SNX9: variants seen among roughly 807,000 people sequenced by gnomAD.
SNX9 encodes the protein sorting nexin-9.
A neutral mutation model predicts 89.4 loss-of-function variants in SNX9; 44 were observed. That is an observed-to-expected ratio of 0.49 (90% confidence interval 0.39 to 0.63). The LOEUF (loss-of-function observed/expected upper bound fraction) is 0.63, where lower values mean the gene tolerates loss of function less well. SNX9 is among the 30% of genes least tolerant of loss of function. The pLI is 0.00. For synonymous variants in SNX9, 236 were observed against 247.8 expected (o/e 0.95, Z 0.45); for missense variants, 578 against 736.1 (o/e 0.79, Z 2.49).
At chr6:157,843,873 T>TTTA (rs1290000882) in intron 1 of SNX9, among the ~76,000 whole-genome samples, 1 of 105,946 alleles carries the variant, frequency 9.4e-6, no homozygotes, top group Non-Finnish European at 1.8e-5. Flanking sequence ...CCCATTTGTC[T>TTTA]TTTTTTTTTT....
chr6:157,910,484 A>C (rs548227409), intron 9 of SNX9, among the ~76,000 whole-genome samples: 2 of 152,364 alleles, frequency 1.3e-5, no homozygotes, highest in Non-Finnish European at 2.9e-5. Context: ...CCACAGAACT[A>C]CTAAGTGTTA....
chr6:157,910,605 T>G (rs1783319367), intron 9 of SNX9, among the ~76,000 whole-genome samples: 2 of 152,092 alleles, frequency 1.3e-5, no homozygotes, highest in Admixed American at 1.3e-4. Context: ...CCCTCTCCCT[T>G]CTCTTGTTTT....
intron 4 of SNX9, among the ~76,000 whole-genome samples, chr6:157,893,245 G>C (rs569680499): frequency 4.6e-5 from 7 of 152,324 alleles, no homozygotes; most frequent in Admixed American, 3.9e-4. Flanking sequence ...GGTCATCTGA[G>C]AGTCCATCCC....
chr6:157,827,033 T>C (rs1781378892), intron 1 of SNX9, among the ~76,000 whole-genome samples: 1 of 12,400 alleles, frequency 8.1e-5, no homozygotes, highest in Non-Finnish European at 1.1e-4. Context: ...TATATACATA[T>C]ATATTATAGT....
intron 9 of SNX9, among the ~76,000 whole-genome samples, chr6:157,915,637 A>AAC (rs1783445920): frequency 1.0e-5 from 1 of 98,662 alleles, no homozygotes. Flanking sequence ...AAAAAAAAAA[A>AAC]AAAATATATA....
chr6:157,937,547 A>C (rs773878149), intron 15 of SNX9, 24 bp downstream of exon 15: 19 of 1,539,164 alleles, frequency 1.2e-5, no homozygotes, highest in Non-Finnish European at 1.7e-5. Flanking sequence ...AGACATTTAT[A>C]GAAGACAACA....
At chr6:157,886,028 G>A (rs1236477806) in intron 4 of SNX9, among the ~76,000 whole-genome samples, 2 of 152,112 alleles carry the variant, frequency 1.3e-5, no homozygotes, top group East Asian at 1.9e-4. Context: ...ATGTAGTTAC[G>A]ATGGAGACAG....
chr6:157,827,919 C>G (rs1361330449), intron 1 of SNX9, among the ~76,000 whole-genome samples: 1 of 149,176 alleles, frequency 6.7e-6, no homozygotes, highest in Non-Finnish European at 1.5e-5. Context: ...ACATGTGTTA[C>G]ACAGCTTGTC....
intron 7 of SNX9, among the ~76,000 whole-genome samples, chr6:157,908,771 T>C (rs1162251850): frequency 1.3e-5 from 2 of 152,150 alleles, no homozygotes; most frequent in Non-Finnish European, 1.5e-5. Flanking sequence ...CACCCCCACA[T>C]AGAATTTAGC....
In SNX9 at chr6:157,896,956, T is replaced by A; in HGVS notation, c.430T>A (p.Trp144Arg). 6.2e-7 allele frequency: 1 copy of A among 1,612,060 alleles called. No individual in the cohort carries two copies. Among genetic ancestry groups the A allele is most frequent in the South Asian group, 1.1e-5 (1 of 90,970 alleles). ...AQRNTNTPNN[W>R]DTAFGHPQAY... ...AAGAAACACAAACACTCCCAACAAC[T>A]GGGACACTGCCTTCGGCCACCCCCA... The change falls in exon 5 of 18, where the codon TGG becomes AGG. Residue 144 changes from tryptophan (W) to arginine (R), a missense_variant. Physicochemically the swap from Trp to Arg is moderately radical, Grantham distance 101 (BLOSUM62 -3). Around this residue, in one of 2 missense-constraint regions of SNX9, gnomAD observed 230 missense variants for 244.7 expected, o/e 0.94. Transcript: ENST00000392185.
intron 4 of SNX9, among the ~76,000 whole-genome samples, chr6:157,882,831 G>A (rs115950955): frequency 0.026 from 3,967 of 152,282 alleles, 125 homozygotes; most frequent in African/African-American, 0.072. Context: ...GAATCTATTC[G>A]TGGTGAGGAT....
At chr6:157,872,693 C>A in intron 2 of SNX9, 1 of 155,502 alleles carries the variant, frequency 6.4e-6, no homozygotes, top group Non-Finnish European at 1.4e-5. Context: ...AGGCAAGGTT[C>A]TGGATTCCCT....
chr6:157,891,402 C>A (rs1222360406), intron 4 of SNX9, among the ~76,000 whole-genome samples: 1 of 152,054 alleles, frequency 6.6e-6, no homozygotes, highest in Non-Finnish European at 1.5e-5. Flanking sequence ...TTAATTTTTT[C>A]AAAAAGACTC....
intron 1 of SNX9, among the ~76,000 whole-genome samples, chr6:157,848,702 C>T (rs961307517): frequency 3.3e-5 from 5 of 152,186 alleles, no homozygotes; most frequent in African/African-American, 1.2e-4. Context: ...AGGTACTGTG[C>T]TGAGCAGGAC....
intron 16 of SNX9, 21 bp from the exon 17 acceptor site, chr6:157,940,862 A>T: frequency 6.2e-7 from 1 of 1,607,868 alleles, no homozygotes; most frequent in South Asian, 1.1e-5. Context: ...AAACTGATTG[A>T]TGTTCTGATT....
intron 16 of SNX9, among the ~76,000 whole-genome samples, chr6:157,939,021 T>A (rs1783982576): frequency 6.6e-6 from 1 of 152,208 alleles, no homozygotes; most frequent in African/African-American, 2.4e-5. Flanking sequence ...TAATCTGTGG[T>A]ATCATAATGC....
At position 157,832,721 on chromosome 6, in the gene SNX9, T is replaced by C. The variant is rs369985232; in HGVS notation, c.12+9275T>C. Among the ~76,000 whole-genome samples the C allele has an allele frequency of 3.3e-5, 5 of 152,210 alleles. No homozygotes were observed. In the South Asian group the frequency reaches 1.0e-3, roughly 32 times the overall value. ...AAACCCTTATAAAACCATCAGATCT[T>C]GTGAGAATTCATGAGAACAGCATGG... On this transcript the variant is annotated intron_variant, in intron 1 of 17. Coordinates refer to ENST00000392185, the MANE Select transcript of SNX9 (RefSeq NM_016224.5).
At chr6:157,941,055 CTGTT>C (rs1361958715) in intron 17 of SNX9, 81 bp downstream of exon 17, 1 of 1,244,934 alleles carries the variant, frequency 8.0e-7, no homozygotes, top group Non-Finnish European at 1.2e-6. Context: ...TAAAGTTAAT[CTGTT>C]TGTATTCTTT....
At chr6:157,856,217 G>A (rs576744587) in intron 1 of SNX9, among the ~76,000 whole-genome samples, 7 of 152,220 alleles carry the variant, frequency 4.6e-5, no homozygotes, top group African/African-American at 1.4e-4. Context: ...GATTTTCTTT[G>A]GTGTTTTTTA....
Sources: allele counts gnomAD v4.1 joint callset (sites outside exome capture counted in the v4.1 genomes callset), GRCh38; gene constraint gnomAD v4.1.1; regional missense constraint gnomAD v4.1.1; transcripts MANE v1.5; gene names NCBI Gene and HGNC (gene_info 2026-07-23, HGNC 2026-07-21).